IQGAP2: variants seen among roughly 807,000 people sequenced by gnomAD.
The protein encoded by IQGAP2 is ras GTPase-activating-like protein IQGAP2.
In IQGAP2, 173 loss-of-function variants were observed where a neutral mutation model predicts 201.3. The ratio of observed to expected loss-of-function variants is 0.86; its 90% CI spans 0.76 to 0.98. The LOEUF (loss-of-function observed/expected upper bound fraction) is 0.98, where lower values mean the gene tolerates loss of function less well. IQGAP2 is among the 50% of genes least tolerant of loss of function. The pLI, the probability that IQGAP2 is intolerant of heterozygous loss-of-function variation, is 0.00. For synonymous variants in IQGAP2, 675 were observed against 673.9 expected (o/e 1.00, Z -0.03); for missense variants, 1,687 against 1,864.8 (o/e 0.90, Z 1.76).
chr5:76,598,852 G>A (rs1013377965), intron 10 of IQGAP2, among the ~76,000 whole-genome samples: 1 of 152,246 alleles, frequency 6.6e-6, no homozygotes, highest in African/African-American at 2.4e-5. Context: ...TGAGAAATAT[G>A]TGCAACCAGT....
chr5:76,627,747 T>C (rs1361487435), intron 14 of IQGAP2, among the ~76,000 whole-genome samples: 1 of 152,244 alleles, frequency 6.6e-6, no homozygotes, highest in Non-Finnish European at 1.5e-5. Context: ...TCTCAAATTG[T>C]ATAATTGAAT....
At chr5:76,665,320 G>T in intron 22 of IQGAP2, 145 bp downstream of exon 22, 1 of 677,724 alleles carries the variant, frequency 1.5e-6, no homozygotes, top group Non-Finnish European at 2.5e-6. Context: ...TGTTGTTGGT[G>T]CTTTACATAC....
intron 23 of IQGAP2, among the ~76,000 whole-genome samples, 159 bp from the exon 24 acceptor site, chr5:76,671,600 A>G (rs1339144732): frequency 6.6e-6 from 1 of 151,768 alleles, no homozygotes; most frequent in Non-Finnish European, 1.5e-5. Context: ...AGGCAGGAGA[A>G]TCGCTTGAAC....
At chr5:76,422,643 CG>C (rs1751789097) in intron 1 of IQGAP2, among the ~76,000 whole-genome samples, 1 of 152,100 alleles carries the variant, frequency 6.6e-6, no homozygotes. Flanking sequence ...ATCTTAACCC[CG>C]AGTCTCTGGT....
intron 2 of IQGAP2, among the ~76,000 whole-genome samples, chr5:76,495,508 G>GAAATGAGTA (rs1402624487): frequency 1.3e-5 from 2 of 152,168 alleles, no homozygotes; most frequent in African/African-American, 4.8e-5. Context: ...AAGGGTGTTT[G>GAAATGAGTA]AAATGAGTAT....
chr5:76,421,047 T>A (rs887113802), intron 1 of IQGAP2, among the ~76,000 whole-genome samples: 1 of 152,186 alleles, frequency 6.6e-6, no homozygotes, highest in South Asian at 2.1e-4. Flanking sequence ...TGTACAAATA[T>A]CTGTTTGAGC....
intron 2 of IQGAP2, among the ~76,000 whole-genome samples, chr5:76,561,464 G>A (rs188630825): frequency 5.4e-4 from 82 of 152,256 alleles, no homozygotes; most frequent in Non-Finnish European, 7.8e-4. Context: ...GATCCTCTAG[G>A]GAGACTGTCT....
At position 76,683,797 on chromosome 5, in the gene IQGAP2, A is replaced by G. The variant is rs1376426441; in HGVS notation, c.3785A>G (p.Asn1262Ser). The change falls in exon 30 of 36, where the codon AAT becomes AGT. Residue 1262 changes from asparagine to serine, a missense_variant. By Grantham distance (46) the Asn-to-Ser change is conservative. Transcript: ENST00000274364. ...SFLGEGAVDPNDPNKANTLSQ... is the reference protein window; with the variant it reads ...SFLGEGAVDPSDPNKANTLSQ... ...ACAGGGGAAGGAGCAGTTGACCCCA[A>G]TGACCCTAACAAGGCAAATACACTA... 1.2e-6 allele frequency: 2 copies of G among 1,612,604 alleles called. No homozygotes were observed. The highest frequency in any genetic ancestry group is 1.7e-5 in the Admixed American group (1 of 59,810).
chr5:76,680,570 C>T (rs1264897049), intron 28 of IQGAP2, among the ~76,000 whole-genome samples: 24 of 151,966 alleles, frequency 1.6e-4, no homozygotes, highest in Non-Finnish European at 2.9e-5. Context: ...GCTTGTAATC[C>T]TAGTACTTTG....
At chr5:76,573,409 A>G (rs1438010882) in intron 4 of IQGAP2, among the ~76,000 whole-genome samples, 1 of 152,248 alleles carries the variant, frequency 6.6e-6, no homozygotes, top group Non-Finnish European at 1.5e-5. Context: ...CTCTGTGCTC[A>G]GTATCATGCT....
At chr5:76,515,872 CT>C (rs71604295) in intron 2 of IQGAP2, among the ~76,000 whole-genome samples, 2,287 of 102,708 alleles carry the variant, frequency 0.022, 26 homozygotes, top group Middle Eastern at 0.036. Flanking sequence ...AGGGGGTGAT[CT>C]TTTTTTTTTT....
chr5:76,574,381 G>A (rs555624603), intron 4 of IQGAP2, among the ~76,000 whole-genome samples: 99 of 152,274 alleles, frequency 6.5e-4, no homozygotes, highest in Middle Eastern at 3.4e-3. Flanking sequence ...TTGGCTTACT[G>A]CAACCTCCAC....
intron 2 of IQGAP2, among the ~76,000 whole-genome samples, chr5:76,553,597 G>A (rs758634052): frequency 6.6e-6 from 1 of 152,136 alleles, no homozygotes; most frequent in African/African-American, 2.4e-5. Flanking sequence ...GATTTTTGTG[G>A]GGTGGTTTCT....
At chr5:76,557,530 T>C (rs182941170) in intron 2 of IQGAP2, among the ~76,000 whole-genome samples, 1 of 152,352 alleles carries the variant, frequency 6.6e-6, no homozygotes. Flanking sequence ...TTAAAAAAAG[T>C]AACATTTTGT....
chr5:76,414,443 A>C (rs921470121), intron 1 of IQGAP2, among the ~76,000 whole-genome samples: 1 of 152,202 alleles, frequency 6.6e-6, no homozygotes, highest in Non-Finnish European at 1.5e-5. Flanking sequence ...TTATAGAGCT[A>C]ATACAAACAT....
chr5:76,426,263 A>G (rs1751988596), intron 1 of IQGAP2, among the ~76,000 whole-genome samples: 1 of 152,192 alleles, frequency 6.6e-6, no homozygotes, highest in African/African-American at 2.4e-5. Context: ...AGTATAAATC[A>G]TCATCCAAAC....
rs539354867 is a variant in IQGAP2 at position 76,432,804 on chromosome 5, C to A, written c.47-28766C>A. 8.0e-5 allele frequency among the ~76,000 whole-genome samples: 12 copies of A among 149,880 alleles called. No homozygotes were observed. The Admixed American group carries it at 8.1e-4, about 10-fold the overall frequency. On this transcript the variant is annotated intron_variant, in intron 1 of 35. Transcript: ENST00000274364. ...CGGCTCATCACAACTTTGAGAGATACACCTGGCTGCATACTCTCTGTTTGC... is the reference window on the plus strand; with the variant it reads ...CGGCTCATCACAACTTTGAGAGATAAACCTGGCTGCATACTCTCTGTTTGC...
chr5:76,672,601 G>A (rs1271349076), intron 24 of IQGAP2, among the ~76,000 whole-genome samples: 1 of 152,136 alleles, frequency 6.6e-6, no homozygotes, highest in Admixed American at 6.5e-5. Flanking sequence ...ATATACATTT[G>A]TTGGCACAGA....
At chr5:76,514,687 TG>T (rs1318367178) in intron 2 of IQGAP2, among the ~76,000 whole-genome samples, 1 of 152,214 alleles carries the variant, frequency 6.6e-6, no homozygotes, top group African/African-American at 2.4e-5. Context: ...TATCATAGTA[TG>T]TTGTTTGTAG....
Sources: allele counts gnomAD v4.1 joint callset (sites outside exome capture counted in the v4.1 genomes callset), GRCh38; gene constraint gnomAD v4.1.1; transcripts MANE v1.5; gene names NCBI Gene and HGNC (gene_info 2026-07-23, HGNC 2026-07-21).